The following SP6 variants were observed in gnomAD, a reference collection of about 807,000 sequenced individuals.
The protein encoded by SP6 is Sp6 transcription factor, also known as transcription factor Sp6.
Under a neutral mutation model 23.4 loss-of-function variants are expected in SP6, and 10 were observed. The observed-to-expected ratio is 0.43, with a 90% CI of 0.26 to 0.72. The LOEUF (loss-of-function observed/expected upper bound fraction) is 0.72. Ranked by LOEUF, SP6 falls within the 30% of genes least tolerant of loss-of-function variation. SP6 has a pLI of 0.23. For missense variants in SP6, 482 were observed against 523.8 expected (o/e 0.92, Z 0.78); for synonymous variants, 238 against 238.7 (o/e 1.00, Z 0.03).
chr17:47,849,790 C>A lies in SP6; in HGVS notation c.-58+1129G>T, dbSNP rs1253933644. Among the ~76,000 whole-genome samples the A allele has an allele frequency of 2.0e-5, 3 of 152,234 alleles. No homozygotes were observed. The East Asian group carries it at 5.8e-4, about 29-fold the overall frequency. On this transcript the variant is annotated intron_variant, in intron 1 of 1. Coordinates refer to ENST00000536300, the MANE Select transcript of SP6 (RefSeq NM_001258248.2). ...ACATATCTGTGGCTTGAAGTTCACT[C>A]TTTTCTCACCACCTCTCCCTAAGGC...
At position 47,848,205 on chromosome 17, in the gene SP6, C is replaced by G. The variant is rs2033916000; in HGVS notation, c.225G>C (p.Arg75=). 6.2e-7 allele frequency: 1 copy of G among 1,612,942 alleles called. No individual in the cohort carries two copies. Among genetic ancestry groups the G allele is most frequent in the Non-Finnish European group, 8.5e-7 (1 of 1,179,892 alleles). The part of the protein sequence containing the change: ...QGYELPGASS[R]VTCEDLESDS... Reference sequence around the variant, plus strand: ...CGCTTTCCAGGTCCTCGCAGGTTACCCGCGAGGAGGCCCCTGGCAGCTCAT... The same window carrying G: ...CGCTTTCCAGGTCCTCGCAGGTTACGCGCGAGGAGGCCCCTGGCAGCTCAT... The change falls in exon 2 of 2, where the codon CGG becomes CGC. Residue 75 remains arginine (R), a synonymous_variant. Transcript: ENST00000536300. This position sits in a 1 kb window ranked among gnomAD's most constrained non-coding sequence, Gnocchi z 5.3.
rs1361534491 is a variant in SP6, at chr17:47,844,962, TCC to T, written c.*2335_*2336del. On this transcript the variant is annotated 3_prime_UTR_variant, in exon 2 of 2. Coordinates refer to ENST00000536300, the MANE Select transcript of SP6 (RefSeq NM_001258248.2). The stretch of plus-strand genomic sequence containing the variant: ...AAAAACACAGGCTGTTTCTCCCTCC[TCC>T]TACCCCCTCAAAGTGAGTTCACAGC... 6.6e-6 allele frequency: 1 copy of T among 152,570 alleles called. No homozygotes were observed. The highest frequency in any genetic ancestry group is 1.9e-4 in the East Asian group (1 of 5,194). 9.5% of individuals were successfully genotyped at this position (152,570 alleles called of 1,614,324 possible).
the SP6 span, among the ~76,000 whole-genome samples, chr17:47,873,510 TAA>T: frequency 6.6e-6 from 1 of 152,224 alleles, no homozygotes; most frequent in Non-Finnish European, 1.5e-5. Flanking sequence ...CTGGGAGTCC[TAA>T]AATCTGATCT....
At chr17:47,857,011 C>T (rs1297656672), upstream of SP6, among the ~76,000 whole-genome samples, 1 of 152,034 alleles carries the variant, frequency 6.6e-6, no homozygotes, top group Non-Finnish European at 1.5e-5. Flanking sequence ...TTCCTCTCCC[C>T]ATTTCAGAGA....
At chr17:47,861,138 A>C in the SP6 span, among the ~76,000 whole-genome samples, 2 of 151,968 alleles carry the variant, frequency 1.3e-5, no homozygotes, top group Non-Finnish European at 2.9e-5. Context: ...TTGCTTCCTG[A>C]TTGAGGGGTT....
At chr17:47,859,833 T>C (rs1034407559), upstream of SP6, among the ~76,000 whole-genome samples, 10 of 152,032 alleles carry the variant, frequency 6.6e-5, no homozygotes, top group African/African-American at 2.2e-4. Flanking sequence ...TCACCCTGCT[T>C]GGAACAAGGA....
At chr17:47,856,603 A>G (rs1292627735), upstream of SP6, among the ~76,000 whole-genome samples, 1 of 152,192 alleles carries the variant, frequency 6.6e-6, no homozygotes, top group Non-Finnish European at 1.5e-5. Context: ...TATACTGGCT[A>G]ACACAAACAT....
chr17:47,848,504 G>C lies in SP6; in HGVS notation c.-57-18C>G. 7.4e-7 allele frequency: 1 copy of C among 1,357,788 alleles called. No individual in the cohort carries two copies. The highest frequency in any genetic ancestry group is 9.8e-7 in the Non-Finnish European group (1 of 1,017,874). 84.1% of individuals were successfully genotyped at this position (1,357,788 alleles called of 1,614,324 possible). A position where few individuals can be genotyped will look rare whatever the true frequency, so the allele number is the denominator to read the frequency against. ...GACGGGACCTAAAGGAGGCGAAGAA[G>C]CAGAAAAGTAAGGGAAATAACCAGC... On this transcript the variant is annotated intron_variant, in intron 1 of 1. Coordinates refer to ENST00000536300, the MANE Select transcript of SP6 (RefSeq NM_001258248.2). The surrounding 1 kb of genome is among the most constrained non-coding windows in gnomAD (Gnocchi z 5.3).
At position 47,847,504 on chromosome 17, in the gene SP6, G is replaced by A. The variant is rs758370116; in HGVS notation, c.926C>T (p.Thr309Ile). 1 of 1,613,804 alleles carries A rather than the reference G, an allele frequency of 6.2e-7. No individual in the cohort carries two copies. Among genetic ancestry groups the A allele is most frequent in the South Asian group, 1.1e-5 (1 of 91,090 alleles). ...DELQRHLQTH[T>I]GTKKFPCAVC... ...TGCACAGGGGAACTTCTTGGTGCCG[G>A]TGTGGGTCTGGAGGTGGCGCTGCAG... Residue 309 changes from threonine (T) to isoleucine (I), a missense_variant, in exon 2 of 2, where the codon ACC (threonine) becomes ATC (isoleucine). By Grantham distance (89) the Thr-to-Ile change is moderately conservative (BLOSUM62 -1). Around this residue, in one of 3 missense-constraint regions of SP6, gnomAD observed 101 missense variants for 99.3 expected, o/e 1.02. Coordinates refer to ENST00000536300, the MANE Select transcript of SP6 (RefSeq NM_001258248.2).
the SP6 span, among the ~76,000 whole-genome samples, chr17:47,871,487 T>C: frequency 0.016 from 2,452 of 152,356 alleles, 41 homozygotes; most frequent in South Asian, 0.03. Flanking sequence ...TTGTTTGTTC[T>C]AGGTCTTCTT....
In SP6 at chr17:47,847,885, A is replaced by G; in HGVS notation, c.545T>C (p.Leu182Pro). Reference sequence around the variant, plus strand: ...CTTAGCCCCGTCGGGCGGCCCTAGGAGATGCTGCCCTCCGGCAGCTGGAAG... The same window carrying G: ...CTTAGCCCCGTCGGGCGGCCCTAGGGGATGCTGCCCTCCGGCAGCTGGAAG... ...HLLPAAGGQH[L>P]LGPPDGAKAL... Residue 182 changes from leucine to proline, a missense_variant, in exon 2 of 2, where the codon CTC becomes CCC. Leu to Pro is a moderately conservative substitution (Grantham distance 98). This residue lies in a region of SP6 where 330 missense variants were observed against 332.3 expected (regional missense o/e 0.99). Transcript: ENST00000536300. 1 of 1,555,076 alleles carries G rather than the reference A, an allele frequency of 6.4e-7. No individual in the cohort carries two copies. Among genetic ancestry groups the G allele is most frequent in the East Asian group, 2.3e-5 (1 of 42,668 alleles).
At chr17:47,868,835 G>C in the SP6 span, among the ~76,000 whole-genome samples, 2 of 152,178 alleles carry the variant, frequency 1.3e-5, no homozygotes, top group Admixed American at 1.3e-4. Flanking sequence ...GAAGAAGGAG[G>C]GGGCTGGCTC....
the SP6 span, among the ~76,000 whole-genome samples, chr17:47,866,644 C>T: frequency 2.0e-5 from 3 of 152,156 alleles, no homozygotes; most frequent in African/African-American, 7.2e-5. Context: ...GGATCGCATC[C>T]GCGGCCTGAT....
chr17:47,856,144 C>T (rs143860498), upstream of SP6, among the ~76,000 whole-genome samples: 2 of 152,202 alleles, frequency 1.3e-5, no homozygotes, highest in Non-Finnish European at 2.9e-5. Context: ...AACAAACACA[C>T]ACACACCACA....
chr17:47,872,069 G>C, the SP6 span, among the ~76,000 whole-genome samples: 1 of 152,144 alleles, frequency 6.6e-6, no homozygotes, highest in Non-Finnish European at 1.5e-5. Context: ...GTAAACAAGT[G>C]GTTGAAAAAT....
upstream of SP6, among the ~76,000 whole-genome samples, chr17:47,854,117 CAAAT>C (rs2143660277): frequency 6.6e-6 from 1 of 152,316 alleles, no homozygotes; most frequent in South Asian, 2.1e-4. Context: ...CTCATTCTCT[CAAAT>C]AAATAGTCAG....
upstream of SP6, among the ~76,000 whole-genome samples, chr17:47,853,904 G>C (rs1423282665): frequency 6.6e-6 from 1 of 152,124 alleles, no homozygotes; most frequent in Non-Finnish European, 1.5e-5. Flanking sequence ...GCAGTCCTCT[G>C]CTTCCAGCCC....
chr17:47,848,232 G>T lies in SP6; in HGVS notation c.198C>A (p.Gly66=). Residue 66 remains glycine (G), a synonymous_variant, in exon 2 of 2, where the codon GGC becomes GGA. Transcript: ENST00000536300. This position sits in a 1 kb window ranked among gnomAD's most constrained non-coding sequence, Gnocchi z 5.3. ...PLGPEVDFSQ[G]YELPGASSRV... Reference sequence around the variant, plus strand: ...GCGAGGAGGCCCCTGGCAGCTCATAGCCCTGCGAGAAGTCCACCTCCGGGC... The same window carrying T: ...GCGAGGAGGCCCCTGGCAGCTCATATCCCTGCGAGAAGTCCACCTCCGGGC... The T allele has an allele frequency of 6.2e-7, 1 of 1,612,186 alleles. No individual in the cohort carries two copies.
rs767237046 is a variant in SP6 at position 47,848,415 on chromosome 17, G to A, written c.15C>T (p.Val5=). ...TGTGCTGGCTGCCCAGAGAGCCGCA[G>A]ACAGCGGTTAGCATTGCCGGGATCC... MLTA[V]CGSLGSQHTE... The change falls in exon 2 of 2, where the codon GTC becomes GTT. Residue 5 remains valine, a synonymous_variant. Coordinates refer to ENST00000536300, the MANE Select transcript of SP6 (RefSeq NM_001258248.2). This position sits in a 1 kb window ranked among gnomAD's most constrained non-coding sequence, Gnocchi z 5.3. The A allele has an allele frequency of 8.5e-6, 13 of 1,523,068 alleles. No homozygotes were observed. In the South Asian group the frequency reaches 1.4e-4, roughly 16 times the overall value. The allele number at this position is 1,523,068 out of a possible 1,614,324, so 94.3% of individuals were successfully genotyped here.
Sources: allele counts gnomAD v4.1 joint callset (sites outside exome capture counted in the v4.1 genomes callset), GRCh38; gene constraint gnomAD v4.1.1; regional missense constraint gnomAD v4.1.1; non-coding constraint Gnocchi (gnomAD v3.1); transcripts MANE v1.5; gene names NCBI Gene and HGNC (gene_info 2026-07-23, HGNC 2026-07-21).